EPB41L3: variants seen among roughly 807,000 people sequenced by gnomAD.
EPB41L3 encodes erythrocyte membrane protein band 4.1 like 3.
A neutral mutation model predicts 127.1 loss-of-function variants in EPB41L3; 57 were observed. The ratio of observed to expected loss-of-function variants is 0.45; its 90% CI spans 0.36 to 0.56. EPB41L3 has a LOEUF of 0.56. Ranked by LOEUF, EPB41L3 falls within the 20% of genes least tolerant of loss-of-function variation. The pLI is 0.00. For missense variants in EPB41L3, 1,273 were observed against 1,372.2 expected (o/e 0.93, Z 1.14); for synonymous variants, 572 against 549.5 (o/e 1.04, Z -0.57).
chr18:5,493,988 A>G (rs2090887986), intron 1 of EPB41L3, among the ~76,000 whole-genome samples: 1 of 152,158 alleles, frequency 6.6e-6, no homozygotes, highest in Non-Finnish European at 1.5e-5. Flanking sequence ...AATTCTTTAC[A>G]AATCCATCTC....
At chr18:5,627,064 C>T (rs1049294706) in intron 1 of EPB41L3, among the ~76,000 whole-genome samples, 2 of 152,146 alleles carry the variant, frequency 1.3e-5, no homozygotes, top group African/African-American at 4.8e-5. Flanking sequence ...TGACCTTCCG[C>T]GGACTTCTCA....
chr18:5,496,087 T>A (rs886524846), intron 1 of EPB41L3, among the ~76,000 whole-genome samples: 1 of 152,232 alleles, frequency 6.6e-6, no homozygotes, highest in African/African-American at 2.4e-5. Context: ...TTTACACAGA[T>A]AACCTGAAAA....
intron 3 of EPB41L3, among the ~76,000 whole-genome samples, chr18:5,584,838 T>C (rs1490141767): frequency 1.3e-5 from 2 of 152,190 alleles, no homozygotes; most frequent in Middle Eastern, 3.2e-3. Context: ...TGAAAATCTG[T>C]AGCAAATTGA....
chr18:5,450,233 A>G (rs1039605737), intron 3 of EPB41L3, among the ~76,000 whole-genome samples: 2 of 152,214 alleles, frequency 1.3e-5, no homozygotes, highest in African/African-American at 4.8e-5. Context: ...ACAGTGAAAC[A>G]GTCCGTTATC....
intron 3 of EPB41L3, among the ~76,000 whole-genome samples, chr18:5,575,843 A>G (rs916573227): frequency 3.3e-5 from 5 of 152,154 alleles, no homozygotes; most frequent in African/African-American, 1.2e-4. Context: ...TCTCAAAAAA[A>G]AAGCATCTAA....
rs181275931 is a variant in EPB41L3 at position 5,529,474 on chromosome 18, G to A, written c.-12+14439C>T. 5.3e-5 allele frequency among the ~76,000 whole-genome samples: 8 copies of A among 152,120 alleles called. No individual in the cohort carries two copies. The East Asian group carries it at 9.7e-4, about 18-fold the overall frequency. ...CTGGCTTCCACCCTCAGAACACAGG[G>A]GGTTGAAGATGAAAGGGAAGCAGAG... On this transcript the variant is annotated intron_variant, in intron 1 of 22. Transcript: ENST00000341928.
At chr18:5,578,115 G>A (rs527577439) in intron 3 of EPB41L3, among the ~76,000 whole-genome samples, 6 of 152,230 alleles carry the variant, frequency 3.9e-5, no homozygotes, top group South Asian at 2.1e-4. Flanking sequence ...GGGGGGTGGC[G>A]GGGTGGGACA....
chr18:5,576,849 A>G (rs945007124), intron 3 of EPB41L3, among the ~76,000 whole-genome samples: 8 of 152,244 alleles, frequency 5.3e-5, no homozygotes, highest in Non-Finnish European at 1.0e-4. Context: ...TGTGGATTGC[A>G]AAGTCTAAGC....
chr18:5,465,900 T>C (rs1599321572), intron 3 of EPB41L3, among the ~76,000 whole-genome samples: 1 of 152,038 alleles, frequency 6.6e-6, no homozygotes, highest in East Asian at 1.9e-4. Context: ...TTAGGGTATC[T>C]ACATTCTGAG....
chr18:5,443,651 G>A (rs1345862052), intron 5 of EPB41L3, among the ~76,000 whole-genome samples, 187 bp downstream of exon 5: 1 of 152,192 alleles, frequency 6.6e-6, no homozygotes, highest in Non-Finnish European at 1.5e-5. Context: ...AACAGGCCAA[G>A]CATCACGGTC....
At position 5,416,318 on chromosome 18, in the gene EPB41L3, T is replaced by A. The variant is rs753344299; in HGVS notation, c.1567A>T (p.Thr523Ser). ...CTCCTACGGAGCTCTGTGGGAGATGTGGGGGCACAATGGGTGGATGGGGGT... is the reference window on the plus strand; with the variant it reads ...CTCCTACGGAGCTCTGTGGGAGATGAGGGGGCACAATGGGTGGATGGGGGT... ...LSPPSTHCAP[T>S]SPTELRRRCK... Residue 523 changes from threonine to serine, a missense_variant, in exon 13 of 23, where the codon ACA (threonine) becomes TCA (serine). Around this residue, in one of 3 missense-constraint regions of EPB41L3, gnomAD observed 765 missense variants for 782.9 expected, o/e 0.98. Transcript: ENST00000341928. 3 of 1,613,468 alleles carry A rather than the reference T, an allele frequency of 1.9e-6. No homozygotes were observed. The highest frequency in any genetic ancestry group is 8.5e-7 in the Non-Finnish European group (1 of 1,179,888).
Position 5,451,122 on chromosome 18 carries a change from G to A in EPB41L3, c.382-5878C>T, listed in dbSNP as rs74770755. 8.3e-3 allele frequency among the ~76,000 whole-genome samples: 1,268 copies of A among 152,158 alleles called. 13 individuals carry two copies. Among genetic ancestry groups the A allele is most frequent in the African/African-American group, 0.028 (1,164 of 41,538 alleles). On this transcript the variant is annotated intron_variant, in intron 3 of 22. Coordinates refer to ENST00000341928, the MANE Select transcript of EPB41L3 (RefSeq NM_012307.5). ...ATTAACTGGAGCATGTTTATAAAGA[G>A]GTATTTCCTTTTGTCAAAACTATTT...
intron 1 of EPB41L3, among the ~76,000 whole-genome samples, chr18:5,625,060 T>C (rs905479741): frequency 6.6e-6 from 1 of 152,064 alleles, no homozygotes; most frequent in African/African-American, 2.4e-5. Context: ...GGGTTTCCTG[T>C]TGGGGCCTCG....
At chr18:5,481,770 C>T (rs1016808813) in intron 2 of EPB41L3, among the ~76,000 whole-genome samples, 7 of 151,578 alleles carry the variant, frequency 4.6e-5, no homozygotes, top group Admixed American at 2.6e-4. Context: ...AGCCATCCCA[C>T]ATTGCCAGGA....
intron 3 of EPB41L3, among the ~76,000 whole-genome samples, chr18:5,587,043 A>G (rs2094448072): frequency 1.3e-5 from 2 of 152,190 alleles, no homozygotes; most frequent in South Asian, 4.1e-4. Context: ...CCATGTTTAC[A>G]AAATTTACTA....
Position 5,397,384 on chromosome 18 carries a change from G to A in EPB41L3, c.2515C>T (p.Pro839Ser), listed in dbSNP as rs61736460. The change falls in exon 18 of 23, where the codon CCC becomes TCC. Residue 839 changes from proline (P) to serine (S), a missense_variant. By Grantham distance (74) the Pro-to-Ser change is moderately conservative. Around this residue, in one of 3 missense-constraint regions of EPB41L3, gnomAD observed 765 missense variants for 782.9 expected, o/e 0.98. Transcript: ENST00000341928. The surrounding 1 kb of genome is among the most constrained non-coding windows in gnomAD (Gnocchi z 4.1). ...KTESSGIETE[P>S]TVHHLPLSTE... ...CTAAGCGGCAGGTGGTGCACGGTGG[G>A]TTCCGTCTCTATTCCACTGGACTCC... The A allele has an allele frequency of 0.021, 33,859 of 1,613,760 alleles. 435 individuals are homozygous for A. The highest frequency in any genetic ancestry group is 0.025 in the Non-Finnish European group (29,655 of 1,179,920).
At chr18:5,475,835 C>G (rs2087078963) in intron 3 of EPB41L3, among the ~76,000 whole-genome samples, 1 of 152,148 alleles carries the variant, frequency 6.6e-6, no homozygotes, top group Non-Finnish European at 1.5e-5. Flanking sequence ...GGCTTTAAAG[C>G]TCTACATTGC....
rs760067607 is a variant in EPB41L3, at chr18:5,462,252, T to G, written c.381+15989A>C. ...ACATCAGTCGGTCCTCATAAACATGTAATGTTATGGTTCTTACCACTTTGT... is the reference window on the plus strand; with the variant it reads ...ACATCAGTCGGTCCTCATAAACATGGAATGTTATGGTTCTTACCACTTTGT... On this transcript the variant is annotated intron_variant, in intron 3 of 22. Coordinates refer to ENST00000341928, the MANE Select transcript of EPB41L3 (RefSeq NM_012307.5). 2.9e-4 allele frequency among the ~76,000 whole-genome samples: 44 copies of G among 152,358 alleles called. 1 individual carries two copies. Among genetic ancestry groups the G allele is most frequent in the Admixed American group, 7.8e-4 (12 of 15,300 alleles).
chr18:5,616,131 C>A (rs1338460986), intron 1 of EPB41L3, among the ~76,000 whole-genome samples: 1 of 150,154 alleles, frequency 6.7e-6, no homozygotes, highest in African/African-American at 2.4e-5. Context: ...ACAGCACCAC[C>A]CTTCCCTCAC....
Sources: gnomAD v4.1 joint callset for allele counts (sites outside exome capture counted in the v4.1 genomes callset) on GRCh38, gnomAD v4.1.1 for gene constraint, gnomAD v4.1.1 regional missense constraint, Gnocchi (gnomAD v3.1) non-coding constraint, MANE v1.5 for transcripts, NCBI Gene and HGNC (gene_info 2026-07-23, HGNC 2026-07-21) for gene names.